GLIPR1: variants seen among roughly 807,000 people sequenced by gnomAD.
GLIPR1 encodes the protein GLI pathogenesis related 1, also known as glioma pathogenesis-related protein 1.
A neutral mutation model predicts 30.3 loss-of-function variants in GLIPR1; 38 were observed. That is an observed-to-expected ratio of 1.26 (90% CI 0.97 to 1.65). GLIPR1 has a LOEUF of 1.65. Among genes scored for constraint, GLIPR1 ranks in the 40% most tolerant of loss-of-function variants. GLIPR1 has a pLI of 0.00. For synonymous variants in GLIPR1, 122 were observed against 110.6 expected, an observed-to-expected ratio of 1.10 and a Z score of -0.65; for missense variants, 285 against 326.5, an observed-to-expected ratio of 0.87 and a Z score of 0.98.
intron 2 of GLIPR1, among the ~76,000 whole-genome samples, chr12:75,486,425 A>G (rs1448114021): frequency 6.6e-6 from 1 of 152,214 alleles, no homozygotes; most frequent in African/African-American, 2.4e-5. Context: ...AAGCTCATTT[A>G]AAACTTCAAA....
intron 3 of GLIPR1, chr12:75,492,649 T>G (rs1488605200): frequency 6.6e-6 from 1 of 152,236 alleles, no homozygotes; most frequent in Non-Finnish European, 1.5e-5. Context: ...ATCTTCAGAG[T>G]TATAAACAAT....
In GLIPR1 at chr12:75,501,798, T is replaced by C. The variant is rs773973140; in HGVS notation, c.*2820T>C. ...TTTCTTTCCTCTTGTCTCTTACTGA[T>C]GGCTTCTGCTTGTTTAGCCTACATT... On this transcript the variant is annotated 3_prime_UTR_variant, in exon 6 of 6. Coordinates refer to ENST00000266659, the MANE Select transcript of GLIPR1 (RefSeq NM_006851.3). 5.0e-6 allele frequency: 8 copies of C among 1,609,604 alleles called. No homozygotes were observed. The highest frequency in any genetic ancestry group is 2.7e-5 in the African/African-American group (2 of 74,752).
intron 2 of GLIPR1, among the ~76,000 whole-genome samples, chr12:75,483,143 A>G (rs573225284): frequency 6.6e-6 from 1 of 152,336 alleles, no homozygotes; most frequent in African/African-American, 2.4e-5. Context: ...TTATAAGAGT[A>G]AAATGAATTT....
Position 75,499,825 on chromosome 12 carries a change from T to TTTTTC in GLIPR1, c.*853_*857dup, listed in dbSNP as rs901694845. On this transcript the variant is annotated 3_prime_UTR_variant, in exon 6 of 6. Coordinates refer to ENST00000266659, the MANE Select transcript of GLIPR1 (RefSeq NM_006851.3). Reference sequence around the variant, plus strand: ...TTGGGTATGTTACTTTTTTTTCTTCTTTTTCTTTTCATCTGCCTCCATCTT... The same window carrying TTTTTC: ...TTGGGTATGTTACTTTTTTTTCTTCTTTTTCTTTTCTTTTCATCTGCCTCCATCTT... 4 of 1,600,018 alleles carry TTTTTC rather than the reference T, an allele frequency of 2.5e-6. No individual in the cohort carries two copies.
chr12:75,492,088 C>CT (rs34425658), intron 3 of GLIPR1: 42,022 of 140,502 alleles, frequency 0.3, 6,917 homozygotes, highest in Admixed American at 0.41. Flanking sequence ...CTTTTCATGA[C>CT]TTTTTTTTTT....
rs147256009 is a variant in GLIPR1, at chr12:75,482,016, C to A, written c.357C>A (p.Asp119Glu). Reference sequence around the variant, plus strand: ...CTTCCGCCATCACAAACTGGTATGACGAAATCCAGGACTATGACTTCAAGA... The same window carrying A: ...CTTCCGCCATCACAAACTGGTATGAAGAAATCCAGGACTATGACTTCAAGA... ...SVSSAITNWY[D>E]EIQDYDFKTR... The change falls in exon 2 of 6, where the codon GAC becomes GAA. Residue 119 changes from aspartate (D) to glutamate (E), a missense_variant. Physicochemically the swap from Asp to Glu is conservative, Grantham distance 45 (BLOSUM62 2). Transcript: ENST00000266659. The A allele has an allele frequency of 6.2e-7, 1 of 1,613,718 alleles. No homozygotes were observed. Among genetic ancestry groups the A allele is most frequent in the Admixed American group, 1.7e-5 (1 of 59,992 alleles).
In GLIPR1 at chr12:75,501,448, G is replaced by A; in HGVS notation, c.*2470G>A. The A allele has an allele frequency of 3.2e-6, 1 of 314,122 alleles. No individual in the cohort carries two copies. Among genetic ancestry groups the A allele is most frequent in the Non-Finnish European group, 5.8e-6 (1 of 170,968 alleles). The allele number at this position is 314,122 out of a possible 1,614,324, so 19.5% of individuals were successfully genotyped here. A position where few individuals can be genotyped will look rare whatever the true frequency, so the allele number is the denominator to read the frequency against. The stretch of plus-strand genomic sequence containing the variant: ...CATTTCTACAGAAGATGCACTGGCT[G>A]CCCTGGGTTTGTATCTTTCACAACA... On this transcript the variant is annotated 3_prime_UTR_variant, in exon 6 of 6. Transcript: ENST00000266659.
chr12:75,495,849 C>A, intron 4 of GLIPR1, 187 bp downstream of exon 4: 1 of 410,410 alleles, frequency 2.4e-6, no homozygotes, highest in Middle Eastern at 6.7e-4. Flanking sequence ...GTGAAAATCA[C>A]GTTCTTTTTA....
Position 75,501,969 on chromosome 12 carries a change from A to G in GLIPR1, c.*2991A>G. On this transcript the variant is annotated 3_prime_UTR_variant, in exon 6 of 6. Transcript: ENST00000266659. ...CCGCTTCTTCTGATTTGCCTTCAAA[A>G]AGTATTCACCACTAGCCAATTCTTT... 6.2e-7 allele frequency: 1 copy of G among 1,612,382 alleles called. No homozygotes were observed. Among genetic ancestry groups the G allele is most frequent in the Non-Finnish European group, 8.5e-7 (1 of 1,179,082 alleles).
intron 2 of GLIPR1, among the ~76,000 whole-genome samples, chr12:75,485,564 T>TATTTATTTA (rs71078738): frequency 6.0e-5 from 9 of 148,820 alleles, no homozygotes; most frequent in African/African-American, 1.2e-4. Flanking sequence ...TTTATTTATT[T>TATTTATTTA]TTTTGAGACG....
At chr12:75,482,855 TTTTG>T (rs2046277729) in intron 2 of GLIPR1, among the ~76,000 whole-genome samples, 1 of 152,082 alleles carries the variant, frequency 6.6e-6, no homozygotes, top group Non-Finnish European at 1.5e-5. Flanking sequence ...CCTGGCTACA[TTTTG>T]TTTATTTACT....
At chr12:75,495,298 T>C (rs1310405680) in intron 3 of GLIPR1, 5 of 301,184 alleles carry the variant, frequency 1.7e-5, no homozygotes, top group African/African-American at 1.1e-4. Flanking sequence ...TCTTACATCT[T>C]TTGTCTCATC....
At chr12:75,498,785 G>T (rs1235168681) in intron 5 of GLIPR1, 39 bp from the exon 6 acceptor site, 1 of 1,609,484 alleles carries the variant, frequency 6.2e-7, no homozygotes, top group Non-Finnish European at 8.5e-7. Context: ...GCATTATGAG[G>T]AACAATGTCT....
chr12:75,498,702 C>G lies in GLIPR1; in HGVS notation c.628C>G (p.Gln210Glu), dbSNP rs373895623. 65 of 1,612,362 alleles carry G rather than the reference C, an allele frequency of 4.0e-5. No individual in the cohort carries two copies. The highest frequency in any genetic ancestry group is 5.3e-5 in the Non-Finnish European group (63 of 1,178,796). ...KCLDNLCVNR[Q>E]RDQVKRYYSV... is the part of the protein sequence containing the mutation. ...TCCCCCTAACTTTACAGTTAACCGA[C>G]AGCGAGACCAAGTCAAACGTACGTA... Residue 210 changes from glutamine (Q) to glutamate (E), a missense_variant, in exon 5 of 6, where the codon CAG becomes GAG. Coordinates refer to ENST00000266659, the MANE Select transcript of GLIPR1 (RefSeq NM_006851.3).
rs184675894 is a variant in GLIPR1, at chr12:75,501,547, G to A, written c.*2569G>A. ...CCAGTTTGCACTGAAATAGGCATTA[G>A]CTGCCTCTAAATTATAAATTATCTC... is the stretch of plus-strand genomic sequence containing the variant. On this transcript the variant is annotated 3_prime_UTR_variant, in exon 6 of 6. Coordinates refer to ENST00000266659, the MANE Select transcript of GLIPR1 (RefSeq NM_006851.3). 5.2e-6 allele frequency: 3 copies of A among 574,120 alleles called. No homozygotes were observed. In the African/African-American group the frequency reaches 5.6e-5, roughly 11 times the overall value. 35.6% of individuals were successfully genotyped at this position (574,120 alleles called of 1,614,324 possible).
intron 2 of GLIPR1, chr12:75,487,779 G>C (rs1041097396): frequency 8.8e-6 from 4 of 456,368 alleles, no homozygotes; most frequent in African/African-American, 6.0e-5. Context: ...CCCAAGAGAG[G>C]GTTCTTGAAT....
Position 75,480,848 on chromosome 12 carries a change from T to A in GLIPR1, c.-33T>A. 6.4e-7 allele frequency: 1 copy of A among 1,572,558 alleles called. No homozygotes were observed. Among genetic ancestry groups the A allele is most frequent in the East Asian group, 2.3e-5 (1 of 44,210 alleles). ...CTCAGAAACTGCGGCGGCTCTGGAC[T>A]GCAGCCTCCCAAGGCTCCATGCCAG... is the stretch of plus-strand genomic sequence containing the variant. On this transcript the variant is annotated 5_prime_UTR_variant, in exon 1 of 6. Transcript: ENST00000266659.
At chr12:75,497,152 G>C (rs1414270368) in intron 4 of GLIPR1, 1 of 151,944 alleles carries the variant, frequency 6.6e-6, no homozygotes, top group Non-Finnish European at 1.5e-5. Context: ...TGTGACTTTG[G>C]GCAAGTTTCT....
chr12:75,496,987 G>A (rs1272322888), intron 4 of GLIPR1: 1 of 152,100 alleles, frequency 6.6e-6, no homozygotes. Context: ...TAATATCAAG[G>A]TATCAATGTA....
Sources: gnomAD v4.1 joint callset for allele counts (sites outside exome capture counted in the v4.1 genomes callset) on GRCh38, gnomAD v4.1.1 for gene constraint, MANE v1.5 for transcripts, NCBI Gene and HGNC (gene_info 2026-07-23, HGNC 2026-07-21) for gene names.